Variants in NDUFA10 observed in about 807,000 individuals in gnomAD.
NDUFA10 encodes NADH dehydrogenase [ubiquinone] 1 alpha subcomplex subunit 10, mitochondrial.
A neutral mutation model predicts 47.8 loss-of-function variants in NDUFA10; 40 were observed. The observed-to-expected ratio is 0.84, with a 90% CI of 0.65 to 1.09. The LOEUF is 1.09. Among genes scored for constraint, NDUFA10 ranks in the 50% least tolerant of loss-of-function variants. NDUFA10 has a pLI of 0.00. For synonymous variants in NDUFA10, 183 were observed against 172.2 expected (o/e 1.06, Z -0.49); for missense variants, 413 against 451.1 (o/e 0.92, Z 0.76).
intron 4 of NDUFA10, among the ~76,000 whole-genome samples, chr2:239,925,491 T>G (rs775704077): frequency 6.6e-6 from 1 of 152,226 alleles, no homozygotes; most frequent in Non-Finnish European, 1.5e-5. Flanking sequence ...AGAAATGAAC[T>G]GCGACCTAAG....
intron 4 of NDUFA10, among the ~76,000 whole-genome samples, chr2:239,900,315 C>CATATATATATATATATAT (rs142452963): frequency 2.8e-5 from 4 of 142,732 alleles, no homozygotes; most frequent in African/African-American, 7.9e-5. Context: ...AACTCCCCTT[C>CATATATATATATATATAT]ATATATATAT....
chr2:239,961,945 G>T (rs757371097), intron 9 of NDUFA10, among the ~76,000 whole-genome samples: 2 of 152,174 alleles, frequency 1.3e-5, no homozygotes, highest in Non-Finnish European at 2.9e-5. Context: ...TCAGGTGGCG[G>T]TCCACAGAGG....
In NDUFA10 at chr2:239,957,950, G is replaced by A. The variant is rs986201326; in HGVS notation, c.*3168C>T. 1.3e-5 allele frequency: 2 copies of A among 152,230 alleles called. No individual in the cohort carries two copies. The highest frequency in any genetic ancestry group is 2.1e-4 in the South Asian group (1 of 4,826). The allele number at this position is 152,230 out of a possible 1,614,324, so 9.4% of individuals were successfully genotyped here. On this transcript the variant is annotated 3_prime_UTR_variant, in exon 10 of 10. Transcript: ENST00000252711. The stretch of plus-strand genomic sequence containing the variant: ...ATAAGGTCCTTTGCTTTGACAATTC[G>A]AGAGAGTATTAGAAAACACTAGCGG...
chr2:239,982,731 T>G (rs1574845597), intron 9 of NDUFA10, among the ~76,000 whole-genome samples: 1 of 152,366 alleles, frequency 6.6e-6, no homozygotes, highest in East Asian at 1.9e-4. Flanking sequence ...AGAAACTACA[T>G]TTTCATGAAC....
Position 239,959,346 on chromosome 2 carries a change from C to T in NDUFA10, c.*1772G>A. ...CTGAGGACACTACCCGTGCAACCAC[C>T]AAGGTTGAAGGAAACAGCTAGCTCT... On this transcript the variant is annotated 3_prime_UTR_variant, in exon 10 of 10. Transcript: ENST00000252711. 1.0e-6 allele frequency: 1 copy of T among 985,434 alleles called. No homozygotes were observed. The allele number at this position is 985,434 out of a possible 1,614,324, so 61.0% of individuals were successfully genotyped here.
At chr2:240,004,525 C>CG (rs1696864845) in intron 8 of NDUFA10, among the ~76,000 whole-genome samples, 2 of 150,544 alleles carry the variant, frequency 1.3e-5, no homozygotes, top group East Asian at 1.9e-4. Context: ...AGTCCTACCC[C>CG]CTTCTGCAGT....
chr2:239,929,167 C>G (rs955368846), intron 4 of NDUFA10, among the ~76,000 whole-genome samples: 1 of 152,220 alleles, frequency 6.6e-6, no homozygotes, highest in Admixed American at 6.5e-5. Flanking sequence ...GCCACCCAGG[C>G]GAGACGCTGC....
At chr2:239,939,506 A>G (rs986077567) in intron 4 of NDUFA10, among the ~76,000 whole-genome samples, 1 of 152,168 alleles carries the variant, frequency 6.6e-6, no homozygotes, top group Admixed American at 6.5e-5. Context: ...CTTTTGCCAC[A>G]CTTTTTGTTT....
chr2:240,008,914 G>A (rs932923244), intron 6 of NDUFA10, among the ~76,000 whole-genome samples: 11 of 152,270 alleles, frequency 7.2e-5, no homozygotes, highest in African/African-American at 2.6e-4. Flanking sequence ...AACCGCCTCC[G>A]TCCAGTCACA....
intron 4 of NDUFA10, among the ~76,000 whole-genome samples, chr2:239,920,090 T>C (rs1693943491): frequency 6.6e-6 from 1 of 152,076 alleles, no homozygotes; most frequent in Admixed American, 6.5e-5. Context: ...TAATGGGATT[T>C]GGAGGTGGGG....
chr2:239,926,985 T>C (rs529821678), intron 4 of NDUFA10, among the ~76,000 whole-genome samples: 27 of 152,090 alleles, frequency 1.8e-4, no homozygotes, highest in South Asian at 8.3e-4. Context: ...CCAGATCCCA[T>C]GAGACTGATT....
Position 239,960,632 on chromosome 2 carries a change from T to C in NDUFA10, c.*486A>G, listed in dbSNP as rs1694813245. The stretch of plus-strand genomic sequence containing the variant: ...CCTTTAGAAAAACTCTTCAGCATAA[T>C]GTAAGCCTCAATTAAACCACACCAC... On this transcript the variant is annotated 3_prime_UTR_variant, in exon 10 of 10. Coordinates refer to ENST00000252711, the MANE Select transcript of NDUFA10 (RefSeq NM_004544.4). 1.0e-5 allele frequency: 11 copies of C among 1,048,048 alleles called. No homozygotes were observed. The highest frequency in any genetic ancestry group is 3.5e-5 in the South Asian group (1 of 28,718). 64.9% of individuals were successfully genotyped at this position (1,048,048 alleles called of 1,614,324 possible).
chr2:240,024,045 T>C (rs1282473189), intron 1 of NDUFA10, among the ~76,000 whole-genome samples: 3 of 151,700 alleles, frequency 2.0e-5, no homozygotes, highest in Non-Finnish European at 4.4e-5. Flanking sequence ...GGGAGTCAAA[T>C]GGCACAGTCA....
At chr2:239,963,188 A>C (rs763427025) in intron 9 of NDUFA10, among the ~76,000 whole-genome samples, 5 of 152,224 alleles carry the variant, frequency 3.3e-5, no homozygotes, top group Non-Finnish European at 7.3e-5. Flanking sequence ...AGGAGTTTGA[A>C]ATCTGAAGAG....
chr2:239,921,505 G>T (rs1693982398), intron 4 of NDUFA10, among the ~76,000 whole-genome samples: 1 of 152,046 alleles, frequency 6.6e-6, no homozygotes, highest in Non-Finnish European at 1.5e-5. Context: ...TTACTTTTAG[G>T]ATCCCTGCTG....
chr2:239,993,341 C>T (rs1696329976), intron 8 of NDUFA10, among the ~76,000 whole-genome samples: 1 of 152,108 alleles, frequency 6.6e-6, no homozygotes. Context: ...AACAAGGATA[C>T]CATATACATT....
rs185348024 is a variant in NDUFA10 at position 240,014,895 on chromosome 2, C to T, written c.548-35G>A. The T allele has an allele frequency of 3.2e-5, 52 of 1,613,886 alleles. No homozygotes were observed. The African/African-American group carries it at 5.9e-4, about 18-fold the overall frequency. On this transcript the variant is annotated intron_variant, in intron 4 of 9. Coordinates refer to ENST00000252711, the MANE Select transcript of NDUFA10 (RefSeq NM_004544.4). The stretch of plus-strand genomic sequence containing the variant: ...AGGAGAAAGGGGCGCTGTCACCTAC[C>T]AGTCCCCACACGGGTTTCCAAAACA...
At chr2:239,912,045 C>T (rs1693764706) in intron 4 of NDUFA10, among the ~76,000 whole-genome samples, 3 of 152,192 alleles carry the variant, frequency 2.0e-5, no homozygotes, top group Admixed American at 1.3e-4. Flanking sequence ...CAGCTTTGCT[C>T]ACTCGCTGGA....
chr2:239,947,805 G>A (rs975213403), intron 4 of NDUFA10, among the ~76,000 whole-genome samples: 1 of 152,216 alleles, frequency 6.6e-6, no homozygotes, highest in Non-Finnish European at 1.5e-5. Flanking sequence ...GCCTCAACAC[G>A]CCCACGGCAG....
Sources: allele counts gnomAD v4.1 joint callset (sites outside exome capture counted in the v4.1 genomes callset), GRCh38; gene constraint gnomAD v4.1.1; transcripts MANE v1.5; gene names NCBI Gene and HGNC (gene_info 2026-07-23, HGNC 2026-07-21).